Variants in TJAP1 observed in about 807,000 individuals in gnomAD.
The protein encoded by TJAP1 is tight junction associated protein 1.
A neutral mutation model predicts 42.0 loss-of-function variants in TJAP1; 27 were observed. The observed-to-expected ratio is 0.64, with a 90% CI of 0.47 to 0.89. TJAP1 has a LOEUF of 0.89. TJAP1 is among the 40% of genes least tolerant of loss of function. TJAP1 has a pLI of 0.00. For synonymous variants in TJAP1, 257 were observed against 288.4 expected, an observed-to-expected ratio of 0.89 and a Z score of 1.10; for missense variants, 712 against 726.9, an observed-to-expected ratio of 0.98 and a Z score of 0.24.
At chr6:43,487,938 C>T (rs1301850440) in intron 2 of TJAP1, among the ~76,000 whole-genome samples, 3 of 149,342 alleles carry the variant, frequency 2.0e-5, no homozygotes, top group Admixed American at 6.7e-5. Context: ...GGTGCCATCT[C>T]GGCTCACTGC....
At chr6:43,498,199 AT>A (rs1027086733) in intron 3 of TJAP1, among the ~76,000 whole-genome samples, 44 of 151,990 alleles carry the variant, frequency 2.9e-4, no homozygotes, top group East Asian at 7.7e-4. Flanking sequence ...TTTGGTTATG[AT>A]TTTTTTTAAA....
intron 2 of TJAP1, chr6:43,496,900 G>C (rs1188953880): frequency 2.0e-5 from 3 of 152,288 alleles, no homozygotes; most frequent in Non-Finnish European, 4.4e-5. Flanking sequence ...ACCCATCTCT[G>C]AACCTCAGGA....
intron 2 of TJAP1, among the ~76,000 whole-genome samples, chr6:43,484,457 C>T (rs1368231603): frequency 6.6e-6 from 1 of 151,970 alleles, no homozygotes; most frequent in Non-Finnish European, 1.5e-5. Context: ...GAGACTTCAT[C>T]TCAAAAAAAT....
exon 7 of TJAP1, chr6:43,502,300 C>T (rs561534467): frequency 9.3e-6 from 15 of 1,613,854 alleles, no homozygotes; most frequent in Admixed American, 1.7e-5. Flanking sequence ...AACAGCTACA[C>T]GGCTTCCCAG....
chr6:43,503,632 C>A, exon 10 of TJAP1: 1 of 1,614,074 alleles, frequency 6.2e-7, no homozygotes, highest in Non-Finnish European at 8.5e-7. Flanking sequence ...GGAGCGGTAC[C>A]GGCTGGACTG....
intron 2 of TJAP1, among the ~76,000 whole-genome samples, chr6:43,488,032 G>A (rs1786945840): frequency 6.6e-6 from 1 of 152,120 alleles, no homozygotes; most frequent in Admixed American, 6.6e-5. Flanking sequence ...AACACGCCCA[G>A]CTAATTTTTT....
intron 2 of TJAP1, among the ~76,000 whole-genome samples, chr6:43,481,875 A>T (rs1164364952): frequency 2.6e-5 from 4 of 152,138 alleles, no homozygotes; most frequent in African/African-American, 9.7e-5. Context: ...CTTTTTCTTC[A>T]ACAAATGACT....
intron 2 of TJAP1, among the ~76,000 whole-genome samples, chr6:43,494,648 CTTTTTTTT>C (rs775378416): frequency 8.7e-6 from 1 of 114,400 alleles, no homozygotes; most frequent in Non-Finnish European, 1.7e-5. Flanking sequence ...TGTTGATTTC[CTTTTTTTT>C]TTTTTTTTTT....
At chr6:43,502,738 C>CT (rs894575687) in intron 8 of TJAP1, 121 bp downstream of exon 8, 3 of 1,117,306 alleles carry the variant, frequency 2.7e-6, no homozygotes, top group African/African-American at 3.1e-5. Context: ...TTTCTCTTCC[C>CT]TGTATGAGGC....
intron 2 of TJAP1, among the ~76,000 whole-genome samples, chr6:43,479,813 T>C (rs944656127): frequency 6.6e-6 from 1 of 151,968 alleles, no homozygotes; most frequent in Non-Finnish European, 1.5e-5. Context: ...CTACTAAAAA[T>C]ACAAAAATCG....
chr6:43,501,008 A>C, intron 5 of TJAP1: 1 of 560,484 alleles, frequency 1.8e-6, no homozygotes, highest in Non-Finnish European at 3.2e-6. Flanking sequence ...AATGGCTCTG[A>C]GGGCCCTGCT....
rs148612141 is a variant in TJAP1, at chr6:43,503,667, G to A, written c.540G>A (p.Lys180=). 367 of 1,614,128 alleles carry A rather than the reference G, an allele frequency of 2.3e-4. 2 individuals are homozygous for A. In the African/African-American group the frequency reaches 4.5e-3, roughly 20 times the overall value. Residue 180 remains lysine (K), a synonymous_variant, in exon 10 of 11, where the codon AAG becomes AAA. Coordinates refer to ENST00000372449, the Ensembl canonical transcript of TJAP1. ...GCAACCTGGCTGTACAGCTCCTCAA[G>A]TGCAACAAGTCCCACTTCCGAAACC...
chr6:43,505,202 AT>A lies in TJAP1; in HGVS notation c.1022del (p.Ile341ThrfsTer20). ...AGAGTTCTCTGAGGATAAGGTTCGG[AT>A]CCCCCGCAACAGCCCCCTGCCCAAC... On this transcript the variant is annotated frameshift_variant, in exon 11 of 11. Coordinates refer to ENST00000372449, the Ensembl canonical transcript of TJAP1. LOFTEE classifies it high-confidence loss of function. The surrounding 1 kb of genome is among the most constrained non-coding windows in gnomAD (Gnocchi z 5.5). 1 of 1,614,030 alleles carries A rather than the reference AT, an allele frequency of 6.2e-7. No homozygotes were observed. The highest frequency in any genetic ancestry group is 8.5e-7 in the Non-Finnish European group (1 of 1,179,964).
exon 11 of TJAP1, chr6:43,506,204 TA>T (rs1163848309): frequency 4.8e-6 from 1 of 208,316 alleles, no homozygotes; most frequent in Non-Finnish European, 9.5e-6. Context: ...CATCCTTTCA[TA>T]GTCACAAGTT....
chr6:43,483,543 G>C (rs1377390592), intron 2 of TJAP1, among the ~76,000 whole-genome samples: 6 of 152,194 alleles, frequency 3.9e-5, no homozygotes, highest in Admixed American at 3.9e-4. Flanking sequence ...TGAGGGCTCT[G>C]TTTACTTGTC....
chr6:43,505,175 A>G lies in TJAP1; in HGVS notation c.994A>G (p.Ile332Val). Residue 332 changes from isoleucine (I) to valine (V), a missense_variant, in exon 11 of 11, where the codon ATA becomes GTA. By Grantham distance (29) the Ile-to-Val change is conservative. Transcript: ENST00000372449. The surrounding 1 kb of genome is among the most constrained non-coding windows in gnomAD (Gnocchi z 5.5). ...CCCACTGTATCCTGGCCGCAGGGTA[A>G]TAGAGTTCTCTGAGGATAAGGTTCG... The G allele has an allele frequency of 6.2e-7, 1 of 1,614,194 alleles. No homozygotes were observed.
At chr6:43,506,038 T>C in exon 11 of TJAP1, 1 of 478,054 alleles carries the variant, frequency 2.1e-6, no homozygotes, top group East Asian at 3.3e-5. Context: ...GTTGACTGAC[T>C]GCAGCAGCTT....
In TJAP1 at chr6:43,505,737, C is replaced by T. The variant is rs1236388487; in HGVS notation, c.1556C>T (p.Ala519Val). The T allele has an allele frequency of 6.5e-7, 1 of 1,538,334 alleles. No individual in the cohort carries two copies. Among genetic ancestry groups the T allele is most frequent in the East Asian group, 2.3e-5 (1 of 44,246 alleles). The change falls in exon 11 of 11, where the codon GCC (alanine) becomes GTC (valine). Residue 519 changes from alanine to valine, a missense_variant. By Grantham distance (64) the Ala-to-Val change is moderately conservative. Coordinates refer to ENST00000372449, the Ensembl canonical transcript of TJAP1. This position sits in a 1 kb window ranked among gnomAD's most constrained non-coding sequence, Gnocchi z 5.5. Reference sequence around the variant, plus strand: ...GGCACTTCCCACACCGAGGGCAGGGCCTGGCCACTCCCCAGCTCCAGTCGC... The same window carrying T: ...GGCACTTCCCACACCGAGGGCAGGGTCTGGCCACTCCCCAGCTCCAGTCGC...
intron 2 of TJAP1, among the ~76,000 whole-genome samples, chr6:43,485,973 T>C (rs1382276635): frequency 6.6e-6 from 1 of 151,842 alleles, no homozygotes; most frequent in Non-Finnish European, 1.5e-5. Context: ...TTATGTTTTT[T>C]TTTTTTTTCT....
Sources: gnomAD v4.1 joint callset for allele counts (sites outside exome capture counted in the v4.1 genomes callset) on GRCh38, gnomAD v4.1.1 for gene constraint, Gnocchi (gnomAD v3.1) non-coding constraint, MANE v1.5 for transcripts, NCBI Gene and HGNC (gene_info 2026-07-23, HGNC 2026-07-21) for gene names.